Variants in MYO10 observed in about 807,000 individuals in gnomAD.
MYO10 encodes unconventional myosin-X.
Under a neutral mutation model 257.3 loss-of-function variants are expected in MYO10, and 133 were observed. That is an observed-to-expected ratio of 0.52 (90% CI 0.45 to 0.60). The LOEUF (loss-of-function observed/expected upper bound fraction) is 0.60. Among genes scored for constraint, MYO10 ranks in the 20% least tolerant of loss-of-function variants. The pLI, the probability that MYO10 is intolerant of heterozygous loss-of-function variation, is 0.00. For missense variants in MYO10, 2,399 were observed against 2,635.7 expected, an observed-to-expected ratio of 0.91 and a Z score of 1.97; for synonymous variants, 1,104 against 1,028.6, an observed-to-expected ratio of 1.07 and a Z score of -1.40.
chr5:16,787,808 G>T (rs918983222), intron 4 of MYO10, among the ~76,000 whole-genome samples: 2 of 151,178 alleles, frequency 1.3e-5, no homozygotes, highest in Non-Finnish European at 3.0e-5. Context: ...TCGTTCTTTT[G>T]TGTGTGTGTG....
chr5:16,732,647 A>G (rs975970305), intron 19 of MYO10, among the ~76,000 whole-genome samples: 4 of 152,216 alleles, frequency 2.6e-5, no homozygotes, highest in African/African-American at 7.2e-5. Flanking sequence ...AAACTCACTA[A>G]AGCACTTACA....
At chr5:16,777,839 C>CTATTCTTT (rs1391555719) in intron 9 of MYO10, among the ~76,000 whole-genome samples, 6 of 88,482 alleles carry the variant, frequency 6.8e-5, no homozygotes, top group African/African-American at 3.2e-4. Flanking sequence ...TTGCATCTAA[C>CTATTCTTT]TTTTTTTTTT....
At chr5:16,695,958 C>T (rs1157687950) in intron 26 of MYO10, among the ~76,000 whole-genome samples, 1 of 152,094 alleles carries the variant, frequency 6.6e-6, no homozygotes, top group Non-Finnish European at 1.5e-5. Flanking sequence ...GGCAAACTTG[C>T]CAACGGCTAC....
intron 9 of MYO10, among the ~76,000 whole-genome samples, chr5:16,774,642 C>T (rs534691739): frequency 1.8e-4 from 27 of 152,106 alleles, no homozygotes; most frequent in Admixed American, 1.4e-3. Flanking sequence ...AGGATGGTCT[C>T]GATCTCCTGA....
At chr5:16,816,844 G>C (rs534372496) in intron 3 of MYO10, among the ~76,000 whole-genome samples, 2 of 136,314 alleles carry the variant, frequency 1.5e-5, no homozygotes, top group Admixed American at 7.5e-5. Flanking sequence ...TTCTGAGACA[G>C]AGTTTCGCTC....
Position 16,767,679 on chromosome 5 carries a change from G to A in MYO10, c.1060+1395C>T, listed in dbSNP as rs112351324. Among the ~76,000 whole-genome samples the A allele has an allele frequency of 7.3e-5, 11 of 151,382 alleles. 1 individual carries two copies. The highest frequency in any genetic ancestry group is 2.1e-4 in the South Asian group (1 of 4,770). Reference sequence around the variant, plus strand: ...ATCTCATTTTAACTTTTGATTAGAAGTTTTCACTTTTTTTTTGAGATAGAG... The same window carrying A: ...ATCTCATTTTAACTTTTGATTAGAAATTTTCACTTTTTTTTTGAGATAGAG... On this transcript the variant is annotated intron_variant, in intron 10 of 40. Coordinates refer to ENST00000513610, the MANE Select transcript of MYO10 (RefSeq NM_012334.3).
intron 1 of MYO10, among the ~76,000 whole-genome samples, chr5:16,898,477 A>G (rs1745275580): frequency 6.9e-6 from 1 of 144,658 alleles, no homozygotes; most frequent in Non-Finnish European, 1.5e-5. Context: ...CAGTGGCGTG[A>G]TCTCAGTTCA....
intron 2 of MYO10, among the ~76,000 whole-genome samples, chr5:16,876,399 G>A (rs1050946140): frequency 6.6e-6 from 1 of 152,120 alleles, no homozygotes; most frequent in African/African-American, 2.4e-5. Context: ...GAACAGTGGT[G>A]CTCCTATAAA....
At chr5:16,729,845 C>A (rs1739515725) in intron 19 of MYO10, among the ~76,000 whole-genome samples, 1 of 152,106 alleles carries the variant, frequency 6.6e-6, no homozygotes, top group African/African-American at 2.4e-5. Flanking sequence ...ACTTTCTCAG[C>A]TTCCTGTGGA....
In MYO10 at chr5:16,880,831, C is replaced by T. The variant is rs538847264; in HGVS notation, c.22-3124G>A. Reference sequence around the variant, plus strand: ...GAACACTGACTTCAGGCATCTGCTACGACGCTGGTCTCTCAAATATCACTC... The same window carrying T: ...GAACACTGACTTCAGGCATCTGCTATGACGCTGGTCTCTCAAATATCACTC... On this transcript the variant is annotated intron_variant, in intron 1 of 40. Coordinates refer to ENST00000513610, the MANE Select transcript of MYO10 (RefSeq NM_012334.3). 3.3e-5 allele frequency among the ~76,000 whole-genome samples: 5 copies of T among 152,306 alleles called. No homozygotes were observed. In the East Asian group the frequency reaches 7.7e-4, roughly 24 times the overall value.
intron 19 of MYO10, chr5:16,738,149 G>A (rs529701271): frequency 6.1e-6 from 6 of 985,350 alleles, no homozygotes; most frequent in Non-Finnish European, 7.2e-6. Context: ...GCCTGGAGCT[G>A]AAGGAGAGAA....
Position 16,711,056 on chromosome 5 carries a change from C to T in MYO10, c.2055-34G>A, listed in dbSNP as rs377209514. On this transcript the variant is annotated intron_variant, in intron 20 of 40. Coordinates refer to ENST00000513610, the MANE Select transcript of MYO10 (RefSeq NM_012334.3). Reference sequence around the variant, plus strand: ...TGAAGACACACAGGGTCACCTTCTGCGATGGTTCCCTGTTTTCTCCAACCC... The same window carrying T: ...TGAAGACACACAGGGTCACCTTCTGTGATGGTTCCCTGTTTTCTCCAACCC... 1.4e-5 allele frequency: 22 copies of T among 1,613,126 alleles called. 2 individuals carry two copies. The highest frequency in any genetic ancestry group is 1.1e-4 in the East Asian group (5 of 44,856).
At chr5:16,727,789 A>C (rs1270971639) in intron 19 of MYO10, among the ~76,000 whole-genome samples, 1 of 151,828 alleles carries the variant, frequency 6.6e-6, no homozygotes, top group Admixed American at 6.6e-5. Context: ...GCTGAAACAG[A>C]GCCAGCGCTG....
At chr5:16,931,774 C>T (rs563277575) in intron 1 of MYO10, among the ~76,000 whole-genome samples, 167 of 152,304 alleles carry the variant, frequency 1.1e-3, no homozygotes, top group Non-Finnish European at 1.8e-3. Context: ...AAGGGGTTGC[C>T]TTCAGGAATT....
intron 1 of MYO10, among the ~76,000 whole-genome samples, chr5:16,912,988 CAAA>C (rs5866219): frequency 6.5e-5 from 9 of 138,578 alleles, no homozygotes; most frequent in Middle Eastern, 3.7e-3. Context: ...TGTTTATTCC[CAAA>C]AAAAAAAAAA....
chr5:16,704,852 G>A (rs1412029180), intron 21 of MYO10, among the ~76,000 whole-genome samples, 167 bp from the exon 22 acceptor site: 2 of 152,140 alleles, frequency 1.3e-5, no homozygotes, highest in African/African-American at 2.4e-5. Context: ...CACCTGTCAT[G>A]GGCTAAAACA....
At chr5:16,738,597 AC>A (rs2126628398) in intron 19 of MYO10, among the ~76,000 whole-genome samples, 1 of 151,992 alleles carries the variant, frequency 6.6e-6, no homozygotes, top group South Asian at 2.1e-4. Context: ...AAAAACAACA[AC>A]AACAAAAAAA....
At position 16,758,002 on chromosome 5, in the gene MYO10, A is replaced by C. The variant is rs980347813; in HGVS notation, c.1848+116T>G. On this transcript the variant is annotated intron_variant, in intron 18 of 40. Transcript: ENST00000513610. ...CTATCTGGTTTAAAAGCATGATATA[A>C]AAGGAAACAAAAATAAACAAATATT... The C allele has an allele frequency of 2.1e-5, 17 of 815,378 alleles. No homozygotes were observed. In the African/African-American group the frequency reaches 2.9e-4, roughly 14 times the overall value. The allele number at this position is 815,378 out of a possible 1,614,324, so 50.5% of individuals were successfully genotyped here. A position where few individuals can be genotyped will look rare whatever the true frequency, so the allele number is the denominator to read the frequency against.
intron 3 of MYO10, among the ~76,000 whole-genome samples, chr5:16,816,593 C>T (rs1481578013): frequency 2.0e-5 from 3 of 150,096 alleles, no homozygotes; most frequent in Non-Finnish European, 4.4e-5. Context: ...TGCAGTGGTG[C>T]GATCTTAGCT....
Sources: gnomAD v4.1 joint callset for allele counts (sites outside exome capture counted in the v4.1 genomes callset) on GRCh38, gnomAD v4.1.1 for gene constraint, MANE v1.5 for transcripts, NCBI Gene and HGNC (gene_info 2026-07-23, HGNC 2026-07-21) for gene names.